The following CHP2 variants were observed in gnomAD, a reference collection of about 807,000 sequenced individuals.
The protein encoded by CHP2 is calcineurin like EF-hand protein 2, also known as calcineurin B homologous protein 2.
CHP2 carries 31 observed loss-of-function variants against 24.7 expected under a neutral mutation model. That is an observed-to-expected ratio of 1.26 (90% confidence interval 0.94 to 1.69). The LOEUF (loss-of-function observed/expected upper bound fraction) is 1.69, where lower values mean the gene tolerates loss of function less well. Among genes scored for constraint, CHP2 ranks in the 40% most tolerant of loss-of-function variants. The pLI, the probability that CHP2 is intolerant of heterozygous loss-of-function variation, is 0.00. For missense variants in CHP2, 319 were observed against 261.5 expected (o/e 1.22, Z -1.52); for synonymous variants, 97 against 99.1 (o/e 0.98, Z 0.13).
Position 23,757,281 on chromosome 16 carries a change from T to A in CHP2, c.495T>A (p.Asp165Glu), listed in dbSNP as rs544862789. The A allele has an allele frequency of 1.9e-6, 3 of 1,613,874 alleles. No homozygotes were observed. The highest frequency in any genetic ancestry group is 2.5e-6 in the Non-Finnish European group (3 of 1,179,956). ...CTGACCGCACGGTGCAGGAGGCTGA[T>A]GAAGATGGGGATGGGGCTGTGTCCT... Reference protein sequence around the residue: ...NIADRTVQEADEDGDGAVSFV... With the variant: ...NIADRTVQEAEEDGDGAVSFV... The change falls in exon 6 of 7, where the codon GAT becomes GAA. Residue 165 changes from aspartate to glutamate, a missense_variant. Asp to Glu is a conservative substitution (Grantham distance 45). Transcript: ENST00000300113.
At chr16:23,755,530 T>C in intron 1 of CHP2, 131 bp from the exon 2 acceptor site, 2 of 785,792 alleles carry the variant, frequency 2.5e-6, no homozygotes, top group African/African-American at 1.7e-5. Context: ...GCTCAACCCC[T>C]GATTCCCCGG....
Position 23,757,232 on chromosome 16 carries a change from C to T in CHP2, c.446C>T (p.Thr149Ile). 1.2e-6 allele frequency: 2 copies of T among 1,614,020 alleles called. No individual in the cohort carries two copies. Among genetic ancestry groups the T allele is most frequent in the Non-Finnish European group, 8.5e-7 (1 of 1,179,990 alleles). ...CGTCTGATGGTTGGGGTACAGGTGA[C>T]AGAAGAGCAGCTGGAGAACATCGCT... Reference protein sequence around the residue: ...VLRLMVGVQVTEEQLENIADR... With the variant: ...VLRLMVGVQVIEEQLENIADR... The change falls in exon 6 of 7, where the codon ACA (threonine) becomes ATA (isoleucine). Residue 149 changes from threonine (T) to isoleucine (I), a missense_variant. Transcript: ENST00000300113.
In CHP2 at chr16:23,757,642, G is replaced by A. The variant is rs1961246004; in HGVS notation, c.*59G>A. On this transcript the variant is annotated 3_prime_UTR_variant, in exon 7 of 7. Transcript: ENST00000300113. ...AGTATCTCCTTGGAATTCATCCAAA[G>A]CCCCCATGGACGCATGGACGCAGGG... 1 of 1,461,904 alleles carries A rather than the reference G, an allele frequency of 6.8e-7. No individual in the cohort carries two copies. Among genetic ancestry groups the A allele is most frequent in the Non-Finnish European group, 9.6e-7 (1 of 1,041,346 alleles). The allele number at this position is 1,461,904 out of a possible 1,614,324, so 90.6% of individuals were successfully genotyped here.
rs1961210584 is a variant in CHP2 at position 23,755,643 on chromosome 16, C to A, written c.68-18C>A. 1 of 1,612,412 alleles carries A rather than the reference C, an allele frequency of 6.2e-7. No homozygotes were observed. The highest frequency in any genetic ancestry group is 2.2e-5 in the East Asian group (1 of 44,860). On this transcript the variant is annotated intron_variant, in intron 1 of 6. Coordinates refer to ENST00000300113, the MANE Select transcript of CHP2 (RefSeq NM_022097.4). Reference sequence around the variant, plus strand: ...CCCTGCAGAGTCACACACCCCCACCCCACTCTCCTTCCCGCAGTCTCCCAA... The same window carrying A: ...CCCTGCAGAGTCACACACCCCCACCACACTCTCCTTCCCGCAGTCTCCCAA...
In CHP2 at chr16:23,756,086, G is replaced by T; in HGVS notation, c.245G>T (p.Gly82Val). 2 of 1,614,108 alleles carry T rather than the reference G, an allele frequency of 1.2e-6. No homozygotes were observed. Among genetic ancestry groups the T allele is most frequent in the Non-Finnish European group, 1.7e-6 (2 of 1,180,022 alleles). Residue 82 changes from glycine (G) to valine (V), a missense_variant, in exon 4 of 7, where the codon GGC becomes GTC. By Grantham distance (109) the Gly-to-Val change is moderately radical (BLOSUM62 -3). Transcript: ENST00000300113. Reference sequence around the variant, plus strand: ...AGGAGCCAGCGAGTGGATTTCCCAGGCTTTGTCAGGGTCTTGGCTCATTTT... The same window carrying T: ...AGGAGCCAGCGAGTGGATTTCCCAGTCTTTGTCAGGGTCTTGGCTCATTTT... ...PDGSQRVDFP[G>V]FVRVLAHFRP...
intron 1 of CHP2, 150 bp from the exon 2 acceptor site, chr16:23,755,511 C>T (rs1961208908): frequency 4.3e-6 from 3 of 693,954 alleles, no homozygotes; most frequent in Non-Finnish European, 7.5e-6. Flanking sequence ...TCTCCCTCCG[C>T]CCCGGCCAGC....
At position 23,757,758 on chromosome 16, in the gene CHP2, C is replaced by T. The variant is rs1961247605; in HGVS notation, c.*175C>T. On this transcript the variant is annotated 3_prime_UTR_variant, in exon 7 of 7. Transcript: ENST00000300113. Reference sequence around the variant, plus strand: ...TGTACTAAAGTCTAGCTCAGCAGTCCCCAACCTTTTTGGCATCAGGGACAG... The same window carrying T: ...TGTACTAAAGTCTAGCTCAGCAGTCTCCAACCTTTTTGGCATCAGGGACAG... 1 of 659,244 alleles carries T rather than the reference C, an allele frequency of 1.5e-6. No individual in the cohort carries two copies. Among genetic ancestry groups the T allele is most frequent in the Non-Finnish European group, 2.7e-6 (1 of 369,808 alleles). The allele number at this position is 659,244 out of a possible 1,614,324, so 40.8% of individuals were successfully genotyped here. A position where few individuals can be genotyped will look rare whatever the true frequency, so the allele number is the denominator to read the frequency against.
In CHP2 at chr16:23,757,713, A is replaced by G. The variant is rs1961247202; in HGVS notation, c.*130A>G. 11 of 858,726 alleles carry G rather than the reference A, an allele frequency of 1.3e-5. No homozygotes were observed. In the South Asian group the frequency reaches 1.5e-4, roughly 12 times the overall value. The allele number at this position is 858,726 out of a possible 1,614,324, so 53.2% of individuals were successfully genotyped here. ...GTTTCTAACTCTATTTAGGGCCAAG[A>G]GAAGAAAGCTGGAAGGATGTGTACT... On this transcript the variant is annotated 3_prime_UTR_variant, in exon 7 of 7. Coordinates refer to ENST00000300113, the MANE Select transcript of CHP2 (RefSeq NM_022097.4).
Position 23,755,886 on chromosome 16 carries a change from C to A in CHP2, c.180C>A (p.Asn60Lys), listed in dbSNP as rs202195776. ...DLQQIGALAVNPLGDRIIESF... is the reference protein window; with the variant it reads ...DLQQIGALAVKPLGDRIIESF... ...AGCAGATAGGGGCGCTCGCCGTGAA[C>A]CCCCTGGGAGACCGAATTATAGAAA... The change falls in exon 3 of 7, where the codon AAC (asparagine) becomes AAA (lysine). Residue 60 changes from asparagine (N) to lysine (K), a missense_variant. Asn to Lys is a moderately conservative substitution (Grantham distance 94, BLOSUM62 0). Transcript: ENST00000300113. The A allele has an allele frequency of 1.2e-5, 19 of 1,614,180 alleles. No individual in the cohort carries two copies. The South Asian group carries it at 1.8e-4, about 15-fold the overall frequency.
rs960141044 is a variant in CHP2, at chr16:23,758,437, C to G, written c.*854C>G. On this transcript the variant is annotated 3_prime_UTR_variant, in exon 7 of 7. Coordinates refer to ENST00000300113, the MANE Select transcript of CHP2 (RefSeq NM_022097.4). The stretch of plus-strand genomic sequence containing the variant: ...GCTCCAGTTATTCTCCATCTCCCAG[C>G]TCAGCTTTTTCTGTCTGTAAGCCTG... 2 of 152,202 alleles carry G rather than the reference C, an allele frequency of 1.3e-5. No individual in the cohort carries two copies. The highest frequency in any genetic ancestry group is 4.8e-5 in the African/African-American group (2 of 41,460). The allele number at this position is 152,202 out of a possible 1,614,324, so 9.4% of individuals were successfully genotyped here.
In CHP2 at chr16:23,756,501, A is replaced by T. The variant is rs547492443; in HGVS notation, c.414+52A>T. 4.7e-6 allele frequency: 7 copies of T among 1,473,716 alleles called. No individual in the cohort carries two copies. The Admixed American group carries it at 1.2e-4, about 25-fold the overall frequency. The allele number at this position is 1,473,716 out of a possible 1,614,324, so 91.3% of individuals were successfully genotyped here. On this transcript the variant is annotated intron_variant, in intron 5 of 6. Transcript: ENST00000300113. ...GTGATGTGTGAAGGATGGGATGGTT[A>T]AATGCAATGGTGTGAGAGATGGGGT... is the stretch of plus-strand genomic sequence containing the variant.
chr16:23,755,552 C>T (rs1961209351), intron 1 of CHP2, 109 bp from the exon 2 acceptor site: 1 of 956,538 alleles, frequency 1.0e-6, no homozygotes, highest in Non-Finnish European at 1.7e-6. Context: ...ATGATCGCCC[C>T]TTCCAGCCAG....
intron 1 of CHP2, chr16:23,755,411 C>A: frequency 3.3e-6 from 2 of 598,278 alleles, no homozygotes; most frequent in Non-Finnish European, 3.0e-6. Context: ...GAGCTGACGG[C>A]GGTTGGAAGG....
At chr16:23,756,033 A>T (rs1961219250) in intron 3 of CHP2, 30 bp from the exon 4 acceptor site, 1 of 1,613,468 alleles carries the variant, frequency 6.2e-7, no homozygotes, top group South Asian at 1.1e-5. Flanking sequence ...GGTGACCACC[A>T]CCTCTTTCCA....
At chr16:23,756,736 G>C (rs1268443643) in intron 5 of CHP2, among the ~76,000 whole-genome samples, 1 of 152,096 alleles carries the variant, frequency 6.6e-6, no homozygotes, top group Non-Finnish European at 1.5e-5. Context: ...TGTCACAATG[G>C]GGGAGAGAGT....
At position 23,757,803 on chromosome 16, in the gene CHP2, CAG is replaced by C. The variant is rs1210571661; in HGVS notation, c.*221_*222del. 6 of 599,166 alleles carry C rather than the reference CAG, an allele frequency of 1.0e-5. No homozygotes were observed. The highest frequency in any genetic ancestry group is 5.5e-5 in the African/African-American group (3 of 54,212). The allele number at this position is 599,166 out of a possible 1,614,324, so 37.1% of individuals were successfully genotyped here. ...GGACAGTTTTTCCACGGATGGGTGACAGGGGATGGTTTTGGGATGATTCAAGT... is the reference window on the plus strand; with the variant it reads ...GGACAGTTTTTCCACGGATGGGTGACGGGATGGTTTTGGGATGATTCAAGT... On this transcript the variant is annotated 3_prime_UTR_variant, in exon 7 of 7. Transcript: ENST00000300113.
rs780374025 is a variant in CHP2 at position 23,757,595 on chromosome 16, C to T, written c.*12C>T. On this transcript the variant is annotated 3_prime_UTR_variant, in exon 7 of 7. Transcript: ENST00000300113. ...GGATCCTGAAGTGACTCCGTTTGTG[C>T]CTTGGGCTTGCTCCTGCAACCAGTA... 24 of 1,612,918 alleles carry T rather than the reference C, an allele frequency of 1.5e-5. No individual in the cohort carries two copies. The East Asian group carries it at 4.7e-4, about 31-fold the overall frequency.
At position 23,757,724 on chromosome 16, in the gene CHP2, G is replaced by T. The variant is rs1961247249; in HGVS notation, c.*141G>T. The T allele has an allele frequency of 1.6e-5, 13 of 802,298 alleles. No individual in the cohort carries two copies. Among genetic ancestry groups the T allele is most frequent in the South Asian group, 4.3e-5 (3 of 69,278 alleles). The allele number at this position is 802,298 out of a possible 1,614,324, so 49.7% of individuals were successfully genotyped here. ...TATTTAGGGCCAAGAGAAGAAAGCT[G>T]GAAGGATGTGTACTAAAGTCTAGCT... On this transcript the variant is annotated 3_prime_UTR_variant, in exon 7 of 7. Coordinates refer to ENST00000300113, the MANE Select transcript of CHP2 (RefSeq NM_022097.4).
intron 1 of CHP2, 115 bp downstream of exon 1, chr16:23,755,231 TC>T: frequency 1.4e-6 from 1 of 734,740 alleles, no homozygotes; most frequent in Non-Finnish European, 2.2e-6. Flanking sequence ...GGTCCGGGGC[TC>T]CCCGGAGCTG....
Sources: allele counts gnomAD v4.1 joint callset (sites outside exome capture counted in the v4.1 genomes callset), GRCh38; gene constraint gnomAD v4.1.1; transcripts MANE v1.5; gene names NCBI Gene and HGNC (gene_info 2026-07-23, HGNC 2026-07-21).